Variants in SPAG9 observed in about 807,000 individuals in gnomAD.
SPAG9 encodes the protein sperm associated antigen 9.
A neutral mutation model predicts 166.5 loss-of-function variants in SPAG9; 35 were observed. The ratio of observed to expected loss-of-function variants is 0.21; its 90% CI spans 0.16 to 0.28. The LOEUF is 0.28. Among genes scored for constraint, SPAG9 ranks in the 10% least tolerant of loss-of-function variants. The pLI is 1.00. For synonymous variants in SPAG9, 534 were observed against 565.5 expected, an observed-to-expected ratio of 0.94 and a Z score of 0.79; for missense variants, 1,235 against 1,603.3, an observed-to-expected ratio of 0.77 and a Z score of 3.92.
intron 5 of SPAG9, among the ~76,000 whole-genome samples, chr17:51,033,953 G>C (rs1414021643): frequency 6.6e-6 from 1 of 152,174 alleles, no homozygotes; most frequent in Non-Finnish European, 1.5e-5. Flanking sequence ...TGAAAGTGCT[G>C]CTTATTTACA....
At chr17:51,092,886 T>G (rs1271486730) in intron 1 of SPAG9, among the ~76,000 whole-genome samples, 3 of 151,990 alleles carry the variant, frequency 2.0e-5, no homozygotes, top group Admixed American at 2.0e-4. Context: ...TGCAGTGAGC[T>G]ATGATCACAC....
intron 28 of SPAG9, among the ~76,000 whole-genome samples, chr17:50,974,457 T>C (rs576302392): frequency 3.3e-5 from 5 of 152,200 alleles, no homozygotes; most frequent in African/African-American, 4.8e-5. Context: ...TTTCTAGTGA[T>C]TTCTCTTATT....
intron 27 of SPAG9, chr17:50,976,613 C>G (rs141812993): frequency 6.5e-6 from 1 of 152,930 alleles, no homozygotes. Context: ...GAGAAACACA[C>G]GAGGTATATT....
At chr17:50,993,957 A>T (rs778187288) in intron 18 of SPAG9, 22 bp from the exon 19 acceptor site, 1 of 1,605,340 alleles carries the variant, frequency 6.2e-7, no homozygotes, top group Non-Finnish European at 8.5e-7. Flanking sequence ...AAGGAGGAAA[A>T]ATGTTTAAAA....
chr17:50,984,904 T>C lies in SPAG9; in HGVS notation c.3088+19A>G, dbSNP rs749615842. The C allele has an allele frequency of 1.2e-5, 20 of 1,604,756 alleles. No individual in the cohort carries two copies. Among genetic ancestry groups the C allele is most frequent in the South Asian group, 1.2e-4 (11 of 90,912 alleles). On this transcript the variant is annotated intron_variant, in intron 24 of 29. Transcript: ENST00000262013. ...AAGCAACAAATTAGTGTCCATGTTA[T>C]ACACACATCACCACTCACCCACTCC...
At chr17:50,990,214 C>G in intron 20 of SPAG9, 3 of 529,322 alleles carry the variant, frequency 5.7e-6, no homozygotes, top group South Asian at 2.0e-5. Flanking sequence ...CTTTTTAGTA[C>G]AGACAGGGTT....
intron 1 of SPAG9, among the ~76,000 whole-genome samples, chr17:51,083,217 G>A (rs908364241): frequency 1.3e-5 from 2 of 151,054 alleles, no homozygotes; most frequent in African/African-American, 2.4e-5. Context: ...AGCTTGAGTT[G>A]GTTTTTCTTT....
chr17:51,077,033 T>TAGCTATCTAGCTATCTAG (rs1568065402), intron 2 of SPAG9, among the ~76,000 whole-genome samples: 2 of 94,488 alleles, frequency 2.1e-5, no homozygotes, highest in Non-Finnish European at 4.9e-5. Flanking sequence ...TAGCTATCTA[T>TAGCTATCTAGCTATCTAG]CTAGCTATCT....
intron 28 of SPAG9, among the ~76,000 whole-genome samples, 197 bp downstream of exon 28, chr17:50,974,574 G>C (rs1418591808): frequency 6.6e-6 from 1 of 152,120 alleles, no homozygotes; most frequent in Non-Finnish European, 1.5e-5. Context: ...TTTGGGGGTG[G>C]GAGAGATATT....
chr17:51,065,711 C>T (rs895448630), intron 2 of SPAG9, among the ~76,000 whole-genome samples: 5 of 152,328 alleles, frequency 3.3e-5, no homozygotes, highest in East Asian at 1.9e-4. Context: ...AGGCTATCCA[C>T]CCCAGCCCCT....
chr17:51,092,751 CAA>C (rs200338786), intron 1 of SPAG9, among the ~76,000 whole-genome samples: 5 of 54,152 alleles, frequency 9.2e-5, no homozygotes, highest in Non-Finnish European at 1.6e-4. Context: ...CTTGTCTCTA[CAA>C]AAAAAAAAAA....
At chr17:51,081,125 T>C (rs1173687083) in intron 1 of SPAG9, among the ~76,000 whole-genome samples, 1 of 152,066 alleles carries the variant, frequency 6.6e-6, no homozygotes, top group Admixed American at 6.6e-5. Context: ...TCCTGGTGTG[T>C]GCCACAATCA....
At chr17:51,050,374 C>T (rs2047147429) in intron 3 of SPAG9, among the ~76,000 whole-genome samples, 2 of 152,156 alleles carry the variant, frequency 1.3e-5, no homozygotes, top group African/African-American at 2.4e-5. Flanking sequence ...TCCATTTAAT[C>T]CTCACCATAT....
chr17:50,976,286 C>T (rs929612634), intron 27 of SPAG9, among the ~76,000 whole-genome samples: 57 of 152,050 alleles, frequency 3.7e-4, no homozygotes, highest in African/African-American at 1.3e-3. Flanking sequence ...TAAAATGAAG[C>T]TCTTACAAAT....
At chr17:51,004,705 C>T (rs1371992705) in intron 12 of SPAG9, among the ~76,000 whole-genome samples, 1 of 151,810 alleles carries the variant, frequency 6.6e-6, no homozygotes, top group Non-Finnish European at 1.5e-5. Flanking sequence ...ACTCCAGCCT[C>T]GGTGACAGAC....
At chr17:51,086,079 G>A (rs1014198867) in intron 1 of SPAG9, among the ~76,000 whole-genome samples, 3 of 146,438 alleles carry the variant, frequency 2.0e-5, no homozygotes, top group East Asian at 4.0e-4. Context: ...AGCAGTTCTC[G>A]TGCTTCAGCC....
chr17:51,014,523 T>C (rs2045619381), intron 8 of SPAG9, 170 bp from the exon 9 acceptor site: 1 of 526,568 alleles, frequency 1.9e-6, no homozygotes, highest in African/African-American at 1.9e-5. Context: ...AAATTCTCAC[T>C]AAGCTCCATG....
rs138161865 is a variant in SPAG9 at position 51,022,181 on chromosome 17, G to A, written c.784-816C>T. Among the ~76,000 whole-genome samples the A allele has an allele frequency of 3.3e-5, 5 of 150,468 alleles. No homozygotes were observed. In the East Asian group the frequency reaches 9.8e-4, roughly 29 times the overall value. On this transcript the variant is annotated intron_variant, in intron 6 of 29. Coordinates refer to ENST00000262013, the MANE Select transcript of SPAG9 (RefSeq NM_001130528.3). ...GCAGATTCCAGCCACGCACATGCCT[G>A]TAATCCCAGCTGAGGCGGGAGGATC...
At chr17:51,079,913 C>T (rs1015789823) in intron 1 of SPAG9, among the ~76,000 whole-genome samples, 3 of 152,074 alleles carry the variant, frequency 2.0e-5, no homozygotes, top group African/African-American at 7.2e-5. Context: ...ATAATTGTTT[C>T]CACTTCATGT....
Sources: gnomAD v4.1 joint callset for allele counts (sites outside exome capture counted in the v4.1 genomes callset) on GRCh38, gnomAD v4.1.1 for gene constraint, MANE v1.5 for transcripts, NCBI Gene and HGNC (gene_info 2026-07-23, HGNC 2026-07-21) for gene names.